Variants in CACNB4 observed in about 807,000 individuals in gnomAD.
CACNB4 encodes the protein calcium voltage-gated channel auxiliary subunit beta 4.
A neutral mutation model predicts 71.2 loss-of-function variants in CACNB4; 32 were observed. That is an observed-to-expected ratio of 0.45 (90% CI 0.34 to 0.60). The LOEUF (loss-of-function observed/expected upper bound fraction) is 0.60. Ranked by LOEUF, CACNB4 falls within the 20% of genes least tolerant of loss-of-function variation. The probability of loss-of-function intolerance (pLI) is 0.01; values close to 1 mark genes in which losing one functional copy is unlikely to be tolerated. For missense variants in CACNB4, 464 were observed against 647.9 expected (o/e 0.72, Z 3.08); for synonymous variants, 231 against 236.9 (o/e 0.97, Z 0.23).
intron 2 of CACNB4, among the ~76,000 whole-genome samples, chr2:151,925,300 C>T (rs1426552746): frequency 6.6e-6 from 1 of 152,216 alleles, no homozygotes; most frequent in African/African-American, 2.4e-5. Flanking sequence ...TTGGTAGTCA[C>T]ATATCAGAAA....
At chr2:151,875,604 C>T (rs1285865503) in intron 5 of CACNB4, among the ~76,000 whole-genome samples, 4 of 146,432 alleles carry the variant, frequency 2.7e-5, no homozygotes, top group African/African-American at 1.1e-4. Context: ...CCGGACGGGG[C>T]GGCTCGCCAG....
chr2:151,903,831 T>C (rs1481796341), intron 2 of CACNB4, among the ~76,000 whole-genome samples: 1 of 152,220 alleles, frequency 6.6e-6, no homozygotes, highest in Non-Finnish European at 1.5e-5. Flanking sequence ...CAAACTCCAT[T>C]TCATCCATCC....
chr2:152,093,607 C>T (rs1489252546), intron 2 of CACNB4, among the ~76,000 whole-genome samples: 3 of 152,160 alleles, frequency 2.0e-5, no homozygotes, highest in African/African-American at 7.2e-5. Context: ...TGGCTTCAGC[C>T]TTCACTTCTT....
At chr2:151,969,994 CT>C (rs2099872096) in intron 2 of CACNB4, 1 of 152,136 alleles carries the variant, frequency 6.6e-6, no homozygotes, top group African/African-American at 2.4e-5. Flanking sequence ...TCAGGTCCCT[CT>C]TTCTAAATGC....
upstream of CACNB4, chr2:152,099,079 T>G (rs544603789): frequency 3.4e-4 from 374 of 1,109,244 alleles, 1 homozygote; most frequent in Non-Finnish European, 4.6e-4. Flanking sequence ...GAGGCTGGGC[T>G]GCGGACGGAG....
At position 151,951,348 on chromosome 2, in the gene CACNB4, C is replaced by A. The variant is rs373055526; in HGVS notation, c.148-67978G>T. On this transcript the variant is annotated intron_variant, in intron 2 of 13. Coordinates refer to ENST00000539935, the MANE Select transcript of CACNB4 (RefSeq NM_000726.5). ...CCTCTTCTTTCCCCTACCCAATTCC[C>A]CCTCTAATCGATCTCTGATGACTCA... 4.2e-4 allele frequency among the ~76,000 whole-genome samples: 64 copies of A among 152,212 alleles called. 1 individual carries two copies. In the South Asian group the frequency reaches 0.012, roughly 30 times the overall value.
rs1169198515 is a variant in CACNB4, at chr2:151,853,525, T to C, written c.1039A>G (p.Lys347Glu). 6.3e-7 allele frequency: 1 copy of C among 1,592,766 alleles called. No homozygotes were observed. Among genetic ancestry groups the C allele is most frequent in the Non-Finnish European group, 8.6e-7 (1 of 1,169,328 alleles). ...SSPKVLQRLI[K>E]SRGKSQSKHL... is the part of the protein sequence containing the mutation. ...TTACTTTGTGACTTTCCTCTAGATT[T>C]AATCAACCGCTGTAAAACCTGATAG... The change falls in exon 12 of 14, where the codon AAA becomes GAA. Residue 347 changes from lysine to glutamate, a missense_variant. Physicochemically the swap from Lys to Glu is moderately conservative, Grantham distance 56. This residue lies in a region of CACNB4 where 299 missense variants were observed against 471.7 expected (regional missense o/e 0.63). Transcript: ENST00000539935.
At chr2:151,974,762 A>C (rs867437) in intron 2 of CACNB4, among the ~76,000 whole-genome samples, 32,837 of 148,802 alleles carry the variant, frequency 0.22, 3,793 homozygotes, top group Middle Eastern at 0.41. Flanking sequence ...CAGGTCCCAC[A>C]TTGCAGCAGC....
At chr2:152,072,843 G>A (rs867883076) in intron 2 of CACNB4, among the ~76,000 whole-genome samples, 8 of 151,476 alleles carry the variant, frequency 5.3e-5, no homozygotes, top group Admixed American at 2.6e-4. Flanking sequence ...TAGAGATGGG[G>A]TTTCACCGTG....
chr2:151,954,202 C>T (rs1032546153), intron 2 of CACNB4, among the ~76,000 whole-genome samples: 10 of 152,226 alleles, frequency 6.6e-5, no homozygotes, highest in African/African-American at 2.4e-4. Context: ...GCAAGCTCCT[C>T]GTTCTAAACC....
intron 12 of CACNB4, among the ~76,000 whole-genome samples, chr2:151,843,905 A>G (rs1020050490): frequency 6.6e-6 from 1 of 152,182 alleles, no homozygotes; most frequent in Non-Finnish European, 1.5e-5. Context: ...GTTTCATCAC[A>G]TCAATTTTTA....
chr2:152,004,570 T>A (rs771650746), intron 2 of CACNB4, among the ~76,000 whole-genome samples: 1 of 137,568 alleles, frequency 7.3e-6, no homozygotes, highest in African/African-American at 2.8e-5. Context: ...CACACACACA[T>A]GCTAACAACC....
At chr2:152,087,645 C>T (rs1008089972) in intron 2 of CACNB4, among the ~76,000 whole-genome samples, 1 of 151,994 alleles carries the variant, frequency 6.6e-6, no homozygotes, top group Non-Finnish European at 1.5e-5. Flanking sequence ...TGAAACTTCT[C>T]GGGCTGGTGT....
chr2:152,034,439 G>A (rs1684451121), intron 2 of CACNB4, among the ~76,000 whole-genome samples: 1 of 152,148 alleles, frequency 6.6e-6, no homozygotes, highest in African/African-American at 2.4e-5. Context: ...CACAGCAGGG[G>A]AACTGAGAGC....
At chr2:152,050,726 T>A (rs1264580420) in intron 2 of CACNB4, among the ~76,000 whole-genome samples, 1 of 151,714 alleles carries the variant, frequency 6.6e-6, no homozygotes, top group African/African-American at 2.4e-5. Context: ...TAAAAAAAAT[T>A]TTTTTTTAAT....
chr2:152,039,371 TC>T, intron 2 of CACNB4, among the ~76,000 whole-genome samples: 1 of 150,308 alleles, frequency 6.7e-6, no homozygotes, highest in East Asian at 2.0e-4. Flanking sequence ...AGCTGAGATC[TC>T]GACACTGCAC....
chr2:151,932,484 G>A (rs1003711088), intron 2 of CACNB4, among the ~76,000 whole-genome samples: 2 of 152,072 alleles, frequency 1.3e-5, no homozygotes, highest in African/African-American at 4.8e-5. Flanking sequence ...GTTGAATTAT[G>A]TCCCCTGAAA....
intron 2 of CACNB4, among the ~76,000 whole-genome samples, chr2:152,076,398 G>A (rs910132639): frequency 1.1e-4 from 16 of 145,730 alleles, no homozygotes; most frequent in African/African-American, 3.8e-4. Context: ...TCCTGACCTT[G>A]TGATCCACCC....
intron 2 of CACNB4, among the ~76,000 whole-genome samples, chr2:151,953,050 A>G (rs1216944877): frequency 3.9e-5 from 6 of 152,210 alleles, no homozygotes; most frequent in African/African-American, 1.4e-4. Context: ...GGGTATTAGG[A>G]GTGCAATTTC....
Sources: allele counts gnomAD v4.1 joint callset (sites outside exome capture counted in the v4.1 genomes callset), GRCh38; gene constraint gnomAD v4.1.1; regional missense constraint gnomAD v4.1.1; transcripts MANE v1.5; gene names NCBI Gene and HGNC (gene_info 2026-07-23, HGNC 2026-07-21).